ADAD1: variants seen among roughly 807,000 people sequenced by gnomAD.
ADAD1 encodes the protein adenosine deaminase domain containing 1, also known as adenosine deaminase domain-containing protein 1.
A neutral mutation model predicts 66.8 loss-of-function variants in ADAD1; 46 were observed. That is an observed-to-expected ratio of 0.69 (90% CI 0.54 to 0.88). The LOEUF is 0.88. ADAD1 is among the 40% of genes least tolerant of loss of function. The pLI is 0.00. For synonymous variants in ADAD1, 248 were observed against 229.4 expected (o/e 1.08, Z -0.73); for missense variants, 617 against 681.8 (o/e 0.91, Z 1.06).
chr4:122,400,976 G>T (rs1262254652), intron 7 of ADAD1, among the ~76,000 whole-genome samples: 1 of 151,340 alleles, frequency 6.6e-6, no homozygotes, highest in Non-Finnish European at 1.5e-5. Flanking sequence ...TTTTGTTTTT[G>T]GTGTTTTTTG....
intron 12 of ADAD1, among the ~76,000 whole-genome samples, chr4:122,426,123 T>C (rs1797223110): frequency 6.6e-6 from 1 of 151,800 alleles, no homozygotes; most frequent in African/African-American, 2.4e-5. Flanking sequence ...AAGAAAAAAA[T>C]AACAGATAAC....
chr4:122,403,674 G>A lies in ADAD1; in HGVS notation c.725-4234G>A, dbSNP rs1210105873. Among the ~76,000 whole-genome samples, 3 of 152,138 alleles carry A rather than the reference G, an allele frequency of 2.0e-5. No individual in the cohort carries two copies. The East Asian group carries it at 5.8e-4, about 29-fold the overall frequency. ...GCACCATCTGTCGTAGGAGAATGGG[G>A]GGATATAAGCTTGCCCTACCTTAGC... On this transcript the variant is annotated intron_variant, in intron 7 of 12. Transcript: ENST00000296513.
chr4:122,401,854 T>G (rs1795997546), intron 7 of ADAD1, among the ~76,000 whole-genome samples: 2 of 152,160 alleles, frequency 1.3e-5, no homozygotes, highest in Admixed American at 6.6e-5. Context: ...GAGTATCTTT[T>G]TCCACCTCTT....
intron 11 of ADAD1, among the ~76,000 whole-genome samples, chr4:122,420,389 T>C (rs1796947038): frequency 6.6e-6 from 1 of 152,228 alleles, no homozygotes; most frequent in Non-Finnish European, 1.5e-5. Context: ...TGTGTTCACT[T>C]ACCCTCTAAT....
intron 6 of ADAD1, 30 bp from the exon 7 acceptor site, chr4:122,396,222 C>G: frequency 6.5e-7 from 1 of 1,540,134 alleles, no homozygotes; most frequent in Non-Finnish European, 8.7e-7. Context: ...GCACAATGTT[C>G]TTGAAATTTA....
intron 7 of ADAD1, among the ~76,000 whole-genome samples, chr4:122,407,496 G>A (rs965955745): frequency 6.6e-6 from 1 of 152,150 alleles, no homozygotes; most frequent in Non-Finnish European, 1.5e-5. Context: ...TTGATTTATA[G>A]GGTTTGAGTG....
chr4:122,393,615 G>A lies in ADAD1; in HGVS notation c.556G>A (p.Val186Ile). 1.2e-6 allele frequency: 2 copies of A among 1,600,622 alleles called. No homozygotes were observed. The highest frequency in any genetic ancestry group is 1.7e-6 in the Non-Finnish European group (2 of 1,174,860). The change falls in exon 6 of 13, where the codon GTT becomes ATT. Residue 186 changes from valine (V) to isoleucine (I), a missense_variant. Coordinates refer to ENST00000296513, the MANE Select transcript of ADAD1 (RefSeq NM_139243.4). ...SGPPPFPAEP[V>I]VLSELAYVSK... ...TCCTCCTCCTTTCCCTGCAGAACCT[G>A]TTGTTTTATCTGAACTAGCATATGT... is the stretch of plus-strand genomic sequence containing the variant.
intron 5 of ADAD1, among the ~76,000 whole-genome samples, chr4:122,385,183 T>C (rs941585452): frequency 2.0e-5 from 3 of 152,186 alleles, no homozygotes; most frequent in Admixed American, 6.5e-5. Flanking sequence ...CTTTAGTTTT[T>C]TTCAAAATTT....
intron 12 of ADAD1, among the ~76,000 whole-genome samples, chr4:122,427,549 T>TTTTTTTTTTTTC (rs1553926021): frequency 7.1e-6 from 1 of 141,422 alleles, no homozygotes. Context: ...TTTTTTTTTT[T>TTTTTTTTTTTTC]CCTGATGCGG....
chr4:122,428,794 G>A (rs1398575030), intron 12 of ADAD1, among the ~76,000 whole-genome samples: 1 of 152,108 alleles, frequency 6.6e-6, no homozygotes, highest in Non-Finnish European at 1.5e-5. Context: ...CTTTTTAGAG[G>A]TGAGGGATTT....
In ADAD1 at chr4:122,413,851, C is replaced by CATATATATATATATATATAT. The variant is rs377322878; in HGVS notation, c.1249+1049_1249+1068dup. Among the ~76,000 whole-genome samples the CATATATATATATATATATAT allele has an allele frequency of 9.4e-3, 1,193 of 126,358 alleles. 17 individuals are homozygous for CATATATATATATATATATAT. The highest frequency in any genetic ancestry group is 0.014 in the Non-Finnish European group (840 of 59,460). The allele number at this position is 126,358 out of a possible 152,430, so 82.9% of individuals were successfully genotyped here. Reference sequence around the variant, plus strand: ...TTTCACGCTGCTGCTTATGATAGATCATATATATATATATATATATATATA... The same window carrying CATATATATATATATATATAT: ...TTTCACGCTGCTGCTTATGATAGATCATATATATATATATATATATATATATATATATATATATATATATA... On this transcript the variant is annotated intron_variant, in intron 10 of 12. Transcript: ENST00000296513.
chr4:122,406,661 A>G (rs574300313), intron 7 of ADAD1, among the ~76,000 whole-genome samples: 1 of 152,162 alleles, frequency 6.6e-6, no homozygotes, highest in African/African-American at 2.4e-5. Context: ...TCTTTCTCCA[A>G]CTTCATCTTA....
At chr4:122,392,859 T>C (rs1400269679) in intron 5 of ADAD1, among the ~76,000 whole-genome samples, 1 of 152,222 alleles carries the variant, frequency 6.6e-6, no homozygotes, top group Non-Finnish European at 1.5e-5. Flanking sequence ...ATTTTTCTTT[T>C]ACTCGTATGA....
intron 8 of ADAD1, 137 bp from the exon 9 acceptor site, chr4:122,411,085 A>G (rs2150579706): frequency 3.1e-6 from 2 of 640,944 alleles, no homozygotes; most frequent in Non-Finnish European, 5.0e-6. Flanking sequence ...TAAAGCTAAG[A>G]TTGATTTAGG....
chr4:122,398,317 GGTGT>G (rs112075307), intron 7 of ADAD1, among the ~76,000 whole-genome samples: 134 of 148,248 alleles, frequency 9.0e-4, no homozygotes, highest in Middle Eastern at 3.5e-3. Flanking sequence ...AGTATTCCAG[GGTGT>G]GTGTGTGTGT....
At chr4:122,401,124 A>T (rs1041763664) in intron 7 of ADAD1, among the ~76,000 whole-genome samples, 1 of 151,986 alleles carries the variant, frequency 6.6e-6, no homozygotes, top group Non-Finnish European at 1.5e-5. Flanking sequence ...CAGACTTTTG[A>T]TATAGGCATT....
intron 5 of ADAD1, among the ~76,000 whole-genome samples, chr4:122,384,748 G>C (rs933451561): frequency 6.6e-6 from 1 of 152,028 alleles, no homozygotes; most frequent in Admixed American, 6.6e-5. Context: ...CGAATGTTTT[G>C]CCCACTGGTC....
chr4:122,406,571 T>C (rs1041000430), intron 7 of ADAD1, among the ~76,000 whole-genome samples: 4 of 152,230 alleles, frequency 2.6e-5, no homozygotes, highest in African/African-American at 9.6e-5. Context: ...TAACCCAAGA[T>C]GGTTTTTACT....
chr4:122,383,920 G>A lies in ADAD1; in HGVS notation c.483G>A (p.Glu161=). ...ATGCAGCAAAATTAGCTCTTGATGA[G>A]CTTCTACAACTGGATGAACCTGAAC... ...RSNAAKLALD[E]LLQLDEPEPR... The change falls in exon 5 of 13, where the codon GAG becomes GAA. Residue 161 remains glutamate, a synonymous_variant. Transcript: ENST00000296513. 6.2e-7 allele frequency: 1 copy of A among 1,613,610 alleles called. No individual in the cohort carries two copies. The highest frequency in any genetic ancestry group is 8.5e-7 in the Non-Finnish European group (1 of 1,179,832).
Sources: gnomAD v4.1 joint callset for allele counts (sites outside exome capture counted in the v4.1 genomes callset) on GRCh38, gnomAD v4.1.1 for gene constraint, MANE v1.5 for transcripts, NCBI Gene and HGNC (gene_info 2026-07-23, HGNC 2026-07-21) for gene names.